Variants in PLCG2 observed in about 807,000 individuals in gnomAD.
The protein encoded by PLCG2 is 1-phosphatidylinositol 4,5-bisphosphate phosphodiesterase gamma-2.
A neutral mutation model predicts 175.6 loss-of-function variants in PLCG2; 69 were observed. The ratio of observed to expected loss-of-function variants is 0.39; its 90% CI spans 0.32 to 0.48. The LOEUF (loss-of-function observed/expected upper bound fraction) is 0.48, where lower values mean the gene tolerates loss of function less well. PLCG2 is among the 20% of genes least tolerant of loss of function. The pLI is 0.91. For missense variants in PLCG2, 1,798 were observed against 1,650.9 expected, an observed-to-expected ratio of 1.09 and a Z score of -1.54; for synonymous variants, 827 against 624.0, an observed-to-expected ratio of 1.33 and a Z score of -4.85.
At chr16:81,832,679 C>G (rs1905309412) in intron 2 of PLCG2, among the ~76,000 whole-genome samples, 1 of 152,272 alleles carries the variant, frequency 6.6e-6, no homozygotes, top group Non-Finnish European at 1.5e-5. Flanking sequence ...GCTGGGATTA[C>G]AGGCATGAGC....
chr16:81,931,371 C>T, intron 24 of PLCG2, 126 bp from the exon 25 acceptor site: 1 of 787,534 alleles, frequency 1.3e-6, no homozygotes, highest in South Asian at 1.8e-5. Context: ...ACGTCCCCAT[C>T]AGTGCTAACC....
intron 7 of PLCG2, among the ~76,000 whole-genome samples, chr16:81,872,426 A>G (rs1231562897): frequency 6.6e-6 from 1 of 152,156 alleles, no homozygotes; most frequent in Non-Finnish European, 1.5e-5. Context: ...TTTAATGTTG[A>G]TTTTGTGTGT....
chr16:81,880,660 C>G (rs1908033618), intron 7 of PLCG2, among the ~76,000 whole-genome samples: 1 of 152,118 alleles, frequency 6.6e-6, no homozygotes, highest in Non-Finnish European at 1.5e-5. Flanking sequence ...TAGAAGGAAA[C>G]CTATGAAATG....
At chr16:81,896,970 G>C (rs1266692571) in intron 13 of PLCG2, among the ~76,000 whole-genome samples, 1 of 152,204 alleles carries the variant, frequency 6.6e-6, no homozygotes, top group East Asian at 1.9e-4. Flanking sequence ...GGAGGTCAAC[G>C]AAATTGTTCT....
chr16:81,777,713 C>G (rs1415743532), upstream of PLCG2, among the ~76,000 whole-genome samples: 7 of 151,886 alleles, frequency 4.6e-5, no homozygotes, highest in Admixed American at 4.6e-4. Flanking sequence ...TGATATTCCT[C>G]AATTAAAAAA....
intron 2 of PLCG2, among the ~76,000 whole-genome samples, chr16:81,763,117 G>A (rs977204667): frequency 8.5e-5 from 13 of 152,162 alleles, no homozygotes; most frequent in Non-Finnish European, 1.9e-4. Context: ...ATACTTGCTT[G>A]CTCAGATTTG....
intron 2 of PLCG2, among the ~76,000 whole-genome samples, chr16:81,804,264 T>G (rs781498590): frequency 3.3e-5 from 5 of 152,264 alleles, no homozygotes; most frequent in African/African-American, 2.4e-5. Context: ...TGAAGTGTTA[T>G]GTCATTGTGG....
At chr16:81,747,817 A>G (rs919823171) in intron 1 of PLCG2, among the ~76,000 whole-genome samples, 2 of 152,204 alleles carry the variant, frequency 1.3e-5, no homozygotes, top group African/African-American at 4.8e-5. Context: ...ATAAAAGACA[A>G]TATGGACTGG....
intron 9 of PLCG2, among the ~76,000 whole-genome samples, chr16:81,885,166 G>T (rs1450627570): frequency 6.6e-6 from 1 of 151,860 alleles, no homozygotes. Flanking sequence ...AGCTGGGATT[G>T]CAGGCGTCTG....
At chr16:81,889,777 C>A (rs767635315) in intron 10 of PLCG2, among the ~76,000 whole-genome samples, 2 of 152,082 alleles carry the variant, frequency 1.3e-5, no homozygotes, top group Non-Finnish European at 2.9e-5. Flanking sequence ...GCCTCAGCCT[C>A]CCGAGTAGCT....
intron 2 of PLCG2, among the ~76,000 whole-genome samples, chr16:81,771,089 A>C (rs1910271772): frequency 6.6e-6 from 1 of 151,126 alleles, no homozygotes; most frequent in Non-Finnish European, 1.5e-5. Context: ...AATAAATAAA[A>C]GGCCCAGATC....
intron 1 of PLCG2, among the ~76,000 whole-genome samples, chr16:81,746,025 T>C (rs1909697600): frequency 6.6e-6 from 1 of 152,186 alleles, no homozygotes; most frequent in Non-Finnish European, 1.5e-5. Context: ...GGTGCACTTC[T>C]GGGGACAACA....
At chr16:81,771,929 T>C (rs747405160) in intron 2 of PLCG2, among the ~76,000 whole-genome samples, 5 of 152,058 alleles carry the variant, frequency 3.3e-5, no homozygotes, top group Admixed American at 6.6e-5. Flanking sequence ...GACTACAGGC[T>C]GTGCCTCTAC....
At chr16:81,921,110 C>A in intron 20 of PLCG2, 88 bp from the exon 21 acceptor site, 2 of 778,096 alleles carry the variant, frequency 2.6e-6, no homozygotes, top group Non-Finnish European at 4.3e-6. Context: ...GGATAGGTAA[C>A]CATAAGGAAG....
At chr16:81,746,044 C>G (rs1909697833) in intron 1 of PLCG2, among the ~76,000 whole-genome samples, 1 of 152,104 alleles carries the variant, frequency 6.6e-6, no homozygotes, top group Admixed American at 6.5e-5. Flanking sequence ...CATAATGTCA[C>G]AGAACCAGGG....
In PLCG2 at chr16:81,900,442, T is replaced by C. The variant is rs6564933; in HGVS notation, c.1194-170T>C. 0.62 allele frequency among the ~76,000 whole-genome samples: 94,576 copies of C among 152,180 alleles called. 29,708 individuals carry two copies. Among genetic ancestry groups the C allele is most frequent in the East Asian group, 0.77 (3,989 of 5,164 alleles). The stretch of plus-strand genomic sequence containing the variant: ...TGTTCTGAGTCCCAAGACTTGTGCC[T>C]TCACACCCAGGATGAGGTCCTCTCC... On this transcript the variant is annotated intron_variant, in intron 13 of 32. Transcript: ENST00000564138.
rs1313975432 is a variant in PLCG2, at chr16:81,749,354, T to A, written c.-144-6516T>A. ...TTTCATTAAATAAATTATATTTTAT[T>A]TTTTATTTTTTTGCGATGGAGTCTC... On this transcript the variant is annotated intron_variant, in intron 1 of 5. Transcript: ENST00000565054. Among the ~76,000 whole-genome samples the A allele has an allele frequency of 2.6e-5, 4 of 152,150 alleles. No individual in the cohort carries two copies. In the East Asian group the frequency reaches 5.8e-4, roughly 22 times the overall value.
At chr16:81,799,539 C>G (rs534129784) in intron 2 of PLCG2, among the ~76,000 whole-genome samples, 1 of 151,936 alleles carries the variant, frequency 6.6e-6, no homozygotes, top group Non-Finnish European at 1.5e-5. Context: ...ATCCTCCCAT[C>G]TTGGCCTCCC....
chr16:81,823,972 C>T (rs1055739562), intron 2 of PLCG2, among the ~76,000 whole-genome samples: 2 of 140,292 alleles, frequency 1.4e-5, no homozygotes, highest in South Asian at 2.2e-4. Flanking sequence ...TCCTTCCTTC[C>T]TTCTTTTCCT....
Sources: gnomAD v4.1 joint callset for allele counts (sites outside exome capture counted in the v4.1 genomes callset) on GRCh38, gnomAD v4.1.1 for gene constraint, MANE v1.5 for transcripts, NCBI Gene and HGNC (gene_info 2026-07-23, HGNC 2026-07-21) for gene names.